The following ABCD3 variants were observed in gnomAD, a reference collection of about 807,000 sequenced individuals.
ABCD3 encodes ATP-binding cassette sub-family D member 3.
A neutral mutation model predicts 105.5 loss-of-function variants in ABCD3; 41 were observed. That is an observed-to-expected ratio of 0.39 (90% confidence interval 0.30 to 0.50). The LOEUF is 0.50. ABCD3 is among the 20% of genes least tolerant of loss of function. The probability of loss-of-function intolerance (pLI) is 0.84; values close to 1 mark genes in which losing one functional copy is unlikely to be tolerated. For missense variants in ABCD3, 622 were observed against 806.3 expected (o/e 0.77, Z 2.77); for synonymous variants, 258 against 269.0 (o/e 0.96, Z 0.40).
chr1:94,507,328 T>C (rs1486932918), intron 21 of ABCD3, among the ~76,000 whole-genome samples: 1 of 152,186 alleles, frequency 6.6e-6, no homozygotes, highest in Non-Finnish European at 1.5e-5. Flanking sequence ...ACTCATCATT[T>C]TTTATGGCTG....
chr1:94,458,571 A>G (rs951569368), intron 1 of ABCD3, 36 bp from the exon 2 acceptor site: 11 of 1,587,022 alleles, frequency 6.9e-6, no homozygotes, highest in Non-Finnish European at 9.5e-6. Flanking sequence ...CTTTTCACAT[A>G]AAGTAAAGCT....
intron 1 of ABCD3, 34 bp from the exon 2 acceptor site, chr1:94,458,573 A>G (rs200153086): frequency 2.5e-5 from 39 of 1,590,626 alleles, no homozygotes; most frequent in Middle Eastern, 1.7e-4. Context: ...TTTCACATAA[A>G]GTAAAGCTCT....
chr1:94,404,632 T>C, the ABCD3 span, among the ~76,000 whole-genome samples: 1 of 152,118 alleles, frequency 6.6e-6, no homozygotes, highest in Non-Finnish European at 1.5e-5. Flanking sequence ...CTCTTTTACA[T>C]CCCTTCCATT....
chr1:94,443,718 A>ACTGTTTAT (rs1482150217), intron 1 of ABCD3, among the ~76,000 whole-genome samples: 24 of 152,060 alleles, frequency 1.6e-4, no homozygotes, highest in Admixed American at 1.3e-3. Flanking sequence ...TTTTCCCAGC[A>ACTGTTTAT]CTGTTTATTG....
chr1:94,414,112 C>A (rs78163000), upstream of ABCD3, among the ~76,000 whole-genome samples: 413 of 152,136 alleles, frequency 2.7e-3, 1 homozygote, highest in Non-Finnish European at 4.4e-3. Context: ...GGGAGAAGTG[C>A]CAAGATAGGA....
chr1:94,490,453 CT>C (rs1649476653), intron 15 of ABCD3, among the ~76,000 whole-genome samples: 1 of 151,984 alleles, frequency 6.6e-6, no homozygotes, highest in African/African-American at 2.4e-5. Context: ...ATGAGTTTGA[CT>C]ATTTTAGATT....
chr1:94,422,778 G>A (rs751767551), intron 1 of ABCD3, among the ~76,000 whole-genome samples: 20 of 152,216 alleles, frequency 1.3e-4, no homozygotes, highest in Non-Finnish European at 2.4e-4. Flanking sequence ...TAATAGTTGT[G>A]TACCTGAGCA....
chr1:94,487,517 G>GT (rs1649331498), intron 10 of ABCD3, 25 bp from the exon 11 acceptor site: 1 of 1,608,140 alleles, frequency 6.2e-7, no homozygotes, highest in Non-Finnish European at 8.5e-7. Context: ...GAAAAAGATG[G>GT]TTTTTTGTTT....
At chr1:94,398,055 T>C in the ABCD3 span, among the ~76,000 whole-genome samples, 2 of 152,238 alleles carry the variant, frequency 1.3e-5, no homozygotes, top group African/African-American at 4.8e-5. Flanking sequence ...ATTTATTTAT[T>C]CAATCATAAT....
intron 1 of ABCD3, among the ~76,000 whole-genome samples, chr1:94,457,661 C>G (rs1399861058): frequency 6.6e-6 from 1 of 152,132 alleles, no homozygotes; most frequent in Non-Finnish European, 1.5e-5. Context: ...CATTTGCAGA[C>G]TGAGCAAGGC....
At chr1:94,485,050 G>A (rs915965764) in intron 10 of ABCD3, among the ~76,000 whole-genome samples, 1 of 152,166 alleles carries the variant, frequency 6.6e-6, no homozygotes, top group African/African-American at 2.4e-5. Flanking sequence ...ATGAGTGGGT[G>A]TGGCTATGTT....
intron 1 of ABCD3, among the ~76,000 whole-genome samples, chr1:94,429,870 G>A (rs552765271): frequency 2.2e-4 from 33 of 152,308 alleles, no homozygotes; most frequent in African/African-American, 7.7e-4. Context: ...ATGAGAAGAG[G>A]GCCACTGTCC....
Position 94,489,743 on chromosome 1 carries a change from A to G in ABCD3, c.1176A>G (p.Thr392=), listed in dbSNP as rs748185306. 28 of 1,612,970 alleles carry G rather than the reference A, an allele frequency of 1.7e-5. No homozygotes were observed. The highest frequency in any genetic ancestry group is 2.2e-5 in the Non-Finnish European group (26 of 1,179,318). Reference sequence around the variant, plus strand: ...ATTTTAGTTTTACTGCTCGGATTACAGAATTAATGCAAGTACTGAAGGATT... The same window carrying G: ...ATTTTAGTTTTACTGCTCGGATTACGGAATTAATGCAAGTACTGAAGGATT... The part of the protein sequence containing the change: ...TRLAGFTARI[T]ELMQVLKDLN... The change falls in exon 14 of 23, where the codon ACA becomes ACG. Residue 392 remains threonine, a synonymous_variant. Coordinates refer to ENST00000370214, the MANE Select transcript of ABCD3 (RefSeq NM_002858.4).
chr1:94,464,242 CTG>C (rs1003760718), intron 2 of ABCD3, among the ~76,000 whole-genome samples: 1 of 151,952 alleles, frequency 6.6e-6, no homozygotes, highest in Non-Finnish European at 1.5e-5. Flanking sequence ...AATTGACAGA[CTG>C]TATATTGGAA....
intron 4 of ABCD3, among the ~76,000 whole-genome samples, chr1:94,468,228 CTG>C (rs1300406747): frequency 1.3e-5 from 2 of 152,180 alleles, no homozygotes; most frequent in African/African-American, 4.8e-5. Flanking sequence ...CTAGGAGAAA[CTG>C]TACCAAGCCT....
chr1:94,417,675 A>T (rs1469431010), upstream of ABCD3, among the ~76,000 whole-genome samples: 1 of 152,252 alleles, frequency 6.6e-6, no homozygotes, highest in Non-Finnish European at 1.5e-5. Context: ...CTGGCGATAC[A>T]TACGTGCAAA....
At chr1:94,436,047 G>C (rs542447996) in intron 1 of ABCD3, among the ~76,000 whole-genome samples, 1 of 152,242 alleles carries the variant, frequency 6.6e-6, no homozygotes, top group South Asian at 2.1e-4. Context: ...GACATTTCCT[G>C]ACCCAGATCT....
In ABCD3 at chr1:94,475,124, ATT is replaced by A; in HGVS notation, c.406-17_406-16del. On this transcript the variant is annotated splice_polypyrimidine_tract_variant and intron_variant, in intron 5 of 22. Coordinates refer to ENST00000370214, the MANE Select transcript of ABCD3 (RefSeq NM_002858.4). ...AGAAATGAAAAGCAAAACCAATAAT[ATT>A]TGTTTGTTTGTTTTAGATCTCTCTG... is the stretch of plus-strand genomic sequence containing the variant. 6.8e-7 allele frequency: 1 copy of A among 1,476,690 alleles called. No individual in the cohort carries two copies. The highest frequency in any genetic ancestry group is 9.4e-7 in the Non-Finnish European group (1 of 1,066,020). 91.5% of individuals were successfully genotyped at this position (1,476,690 alleles called of 1,614,324 possible).
At chr1:94,516,842 G>A (rs796887485) in intron 22 of ABCD3, among the ~76,000 whole-genome samples, 7 of 152,014 alleles carry the variant, frequency 4.6e-5, no homozygotes, top group African/African-American at 1.7e-4. Context: ...AATACTGACT[G>A]ACCTATGGAA....
Sources: gnomAD v4.1 joint callset for allele counts (sites outside exome capture counted in the v4.1 genomes callset) on GRCh38, gnomAD v4.1.1 for gene constraint, MANE v1.5 for transcripts, NCBI Gene and HGNC (gene_info 2026-07-23, HGNC 2026-07-21) for gene names.